HYCC2: variants seen among roughly 807,000 people sequenced by gnomAD.
HYCC2 encodes hyccin PI4KA lipid kinase complex subunit 2.
At chr2:201,010,014 G>A in the HYCC2 span, among the ~76,000 whole-genome samples, 5,608 of 150,824 alleles carry the variant, frequency 0.037, 137 homozygotes, top group Middle Eastern at 0.086. Context: ...TGAGACAGGA[G>A]AATCGCTTGA....
At chr2:201,039,311 C>A in the HYCC2 span, among the ~76,000 whole-genome samples, 1 of 152,202 alleles carries the variant, frequency 6.6e-6, no homozygotes, top group Non-Finnish European at 1.5e-5. Flanking sequence ...TAGCAGGCAT[C>A]CAATCATCTG....
At chr2:201,060,417 TAG>T in the HYCC2 span, among the ~76,000 whole-genome samples, 3 of 152,242 alleles carry the variant, frequency 2.0e-5, no homozygotes, top group Non-Finnish European at 4.4e-5. Context: ...TAGGAAATTC[TAG>T]AGAGGTTTTT....
chr2:200,990,854 G>A, the HYCC2 span, among the ~76,000 whole-genome samples: 1 of 151,850 alleles, frequency 6.6e-6, no homozygotes, highest in African/African-American at 2.4e-5. Flanking sequence ...ACAGGTGTGA[G>A]CCACAGCCCC....
the HYCC2 span, among the ~76,000 whole-genome samples, chr2:201,008,232 T>A: frequency 6.6e-6 from 1 of 152,146 alleles, no homozygotes; most frequent in South Asian, 2.1e-4. Context: ...GAAAGCAAGG[T>A]GTACAGAGTA....
the HYCC2 span, among the ~76,000 whole-genome samples, chr2:201,047,890 C>CAAAA: frequency 1.5e-5 from 1 of 67,912 alleles, no homozygotes; most frequent in African/African-American, 4.4e-5. Context: ...TTAAAATTTG[C>CAAAA]AAAAAAAAAA....
chr2:200,992,246 A>G, the HYCC2 span: 1 of 1,235,280 alleles, frequency 8.1e-7, no homozygotes, highest in Non-Finnish European at 1.2e-6. Flanking sequence ...TTTAGGTACC[A>G]GTATATTTAA....
chr2:200,997,259 A>G, the HYCC2 span: 5 of 484,326 alleles, frequency 1.0e-5, no homozygotes, highest in Non-Finnish European at 1.9e-5. Context: ...TATCTCATAA[A>G]AAACCAAAAC....
the HYCC2 span, among the ~76,000 whole-genome samples, chr2:201,058,225 CAGA>C: frequency 1.3e-5 from 2 of 152,190 alleles, no homozygotes; most frequent in African/African-American, 4.8e-5. Context: ...CCTCTTCACA[CAGA>C]AGTTCTCAAC....
the HYCC2 span, among the ~76,000 whole-genome samples, chr2:200,995,421 A>T: frequency 6.6e-6 from 1 of 152,140 alleles, no homozygotes; most frequent in Non-Finnish European, 1.5e-5. Context: ...CACGGGTGGG[A>T]TCTACAGCTT....
the HYCC2 span, among the ~76,000 whole-genome samples, chr2:201,012,855 G>A: frequency 6.6e-6 from 1 of 151,568 alleles, no homozygotes; most frequent in South Asian, 2.1e-4. Flanking sequence ...TGAGGCAGGA[G>A]AATTGCTCGA....
chr2:201,051,239 C>T, the HYCC2 span, among the ~76,000 whole-genome samples: 2 of 151,872 alleles, frequency 1.3e-5, no homozygotes, highest in African/African-American at 4.8e-5. Flanking sequence ...AAAGAATATC[C>T]GTAAAAAGCC....
At chr2:201,041,014 T>C in the HYCC2 span, among the ~76,000 whole-genome samples, 6 of 152,224 alleles carry the variant, frequency 3.9e-5, no homozygotes, top group African/African-American at 1.2e-4. Flanking sequence ...TGTACCCTCT[T>C]ACTAGCTATA....
At chr2:201,070,886 A>C in the HYCC2 span, among the ~76,000 whole-genome samples, 131 of 152,162 alleles carry the variant, frequency 8.6e-4, 1 homozygote, top group African/African-American at 3.0e-3. Flanking sequence ...GAACTACAAA[A>C]CATGAACCTG....
the HYCC2 span, among the ~76,000 whole-genome samples, chr2:201,017,657 G>C: frequency 6.6e-6 from 1 of 152,148 alleles, no homozygotes; most frequent in Admixed American, 6.5e-5. Flanking sequence ...CATGCTGTTG[G>C]GCAAAGCAAC....
chr2:201,063,117 C>T, the HYCC2 span: 39 of 1,609,832 alleles, frequency 2.4e-5, no homozygotes, highest in Non-Finnish European at 3.2e-5. Context: ...CCTAAAGAGC[C>T]CGAACAGCTG....
chr2:201,048,158 T>C, the HYCC2 span, among the ~76,000 whole-genome samples: 1 of 152,112 alleles, frequency 6.6e-6, no homozygotes, highest in Non-Finnish European at 1.5e-5. Context: ...TGTGTGACAC[T>C]AGTAATAGTA....
At chr2:200,984,504 G>C in the HYCC2 span, among the ~76,000 whole-genome samples, 2 of 152,206 alleles carry the variant, frequency 1.3e-5, no homozygotes, top group Non-Finnish European at 2.9e-5. Context: ...CAGAAAACTA[G>C]TCAATAATCT....
the HYCC2 span, among the ~76,000 whole-genome samples, chr2:200,998,560 A>G: frequency 4.6e-5 from 7 of 152,220 alleles, no homozygotes; most frequent in African/African-American, 7.2e-5. Context: ...ATTAATCTCT[A>G]TCATTGGTGT....
At chr2:201,038,501 C>A in the HYCC2 span, among the ~76,000 whole-genome samples, 1 of 152,118 alleles carries the variant, frequency 6.6e-6, no homozygotes, top group Admixed American at 6.5e-5. Flanking sequence ...CCCAAATGTC[C>A]ATCAATGATA....
Sources: allele counts gnomAD v4.1 joint callset (sites outside exome capture counted in the v4.1 genomes callset), GRCh38; gene constraint gnomAD v4.1.1; transcripts MANE v1.5; gene names NCBI Gene and HGNC (gene_info 2026-07-23, HGNC 2026-07-21).